The following MAP3K2 variants were observed in gnomAD, a reference collection of about 807,000 sequenced individuals.
MAP3K2 encodes MAP/ERK kinase kinase 2.
In MAP3K2, 24 loss-of-function variants were observed where a neutral mutation model predicts 80.3. That is an observed-to-expected ratio of 0.30 (90% CI 0.22 to 0.42). The LOEUF is 0.42. Among genes scored for constraint, MAP3K2 ranks in the 10% least tolerant of loss-of-function variants. The pLI, the probability that MAP3K2 is intolerant of heterozygous loss-of-function variation, is 1.00. For synonymous variants in MAP3K2, 244 were observed against 253.7 expected (o/e 0.96, Z 0.36); for missense variants, 608 against 750.1 (o/e 0.81, Z 2.21).
chr2:127,325,791 G>A lies in MAP3K2; in HGVS notation c.614C>T (p.Ser205Phe). The A allele has an allele frequency of 6.2e-7, 1 of 1,613,048 alleles. No individual in the cohort carries two copies. The highest frequency in any genetic ancestry group is 8.5e-7 in the Non-Finnish European group (1 of 1,179,206). Residue 205 changes from serine to phenylalanine, a missense_variant, in exon 9 of 17, where the codon TCT (serine) becomes TTT (phenylalanine). By Grantham distance (155) the Ser-to-Phe change is radical. Transcript: ENST00000682094. ...GCCAGAATTTTCAGGGCTGCTTAAA[G>A]ATAATGGATCCAGCATCTAGGAAAA... ...ESMDQMLDPLSLSSPENSGSG... is the reference protein window; with the variant it reads ...ESMDQMLDPLFLSSPENSGSG...
chr2:127,378,549 A>C (rs1687188341), intron 1 of MAP3K2, among the ~76,000 whole-genome samples: 6 of 152,210 alleles, frequency 3.9e-5, no homozygotes. Context: ...CATTCAGTTT[A>C]AATATTATAT....
intron 5 of MAP3K2, 31 bp downstream of exon 5, chr2:127,335,839 G>C (rs781371609): frequency 8.2e-7 from 1 of 1,215,568 alleles, no homozygotes; most frequent in South Asian, 1.4e-5. Context: ...TTGAAGGTAA[G>C]ATCTACTAAA....
At chr2:127,311,071 T>C (rs1685799594) in intron 15 of MAP3K2, among the ~76,000 whole-genome samples, 1 of 152,168 alleles carries the variant, frequency 6.6e-6, no homozygotes, top group African/African-American at 2.4e-5. Context: ...ACCCCACCCC[T>C]ATCACGGGGC....
intron 1 of MAP3K2, among the ~76,000 whole-genome samples, chr2:127,350,454 C>CAAAAAAAAAAAAAAAAAAAAA (rs752516255): frequency 2.1e-4 from 21 of 99,228 alleles, no homozygotes; most frequent in South Asian, 3.6e-4. Context: ...AAAACAAAAA[C>CAAAAAAAAAAAAAAAAAAAAA]AAAAAAAAAA....
In MAP3K2 at chr2:127,308,800, T is replaced by C. The variant is rs1685756835; in HGVS notation, c.1457-38A>G. 3.1e-6 allele frequency: 5 copies of C among 1,592,470 alleles called. No individual in the cohort carries two copies. The East Asian group carries it at 1.1e-4, about 36-fold the overall frequency. ...CATTGCCTCATTTCATTAATTTTAT[T>C]GGCAGTCTCGAATATAGCATAAAAG... On this transcript the variant is annotated intron_variant, in intron 15 of 16. Transcript: ENST00000682094.
intron 8 of MAP3K2, among the ~76,000 whole-genome samples, chr2:127,326,277 A>G (rs916567104): frequency 6.6e-6 from 1 of 152,138 alleles, no homozygotes; most frequent in African/African-American, 2.4e-5. Context: ...AGGGAATAAC[A>G]GCAACTCCAT....
rs57472022 is a variant in MAP3K2 at position 127,319,650 on chromosome 2, C to CAAAAAAAAAAAAA, written c.1046-1346_1046-1334dup. The stretch of plus-strand genomic sequence containing the variant: ...TGAAACCCCATCTCTACTAAAAATA[C>CAAAAAAAAAAAAA]AAAAAAAAAAAAAAAAAAAAAAAAA... On this transcript the variant is annotated intron_variant, in intron 12 of 16. Transcript: ENST00000682094. Among the ~76,000 whole-genome samples, 113 of 71,826 alleles carry CAAAAAAAAAAAAA rather than the reference C, an allele frequency of 1.6e-3. 1 individual carries two copies. The highest frequency in any genetic ancestry group is 2.0e-3 in the African/African-American group (34 of 17,376). 47.1% of individuals were successfully genotyped at this position (71,826 alleles called of 152,430 possible).
chr2:127,355,517 T>C (rs1192963342), intron 1 of MAP3K2, among the ~76,000 whole-genome samples: 1 of 152,100 alleles, frequency 6.6e-6, no homozygotes, highest in Non-Finnish European at 1.5e-5. Flanking sequence ...TAAAAAACAA[T>C]GTACATGCCT....
rs1237804378 is a variant in MAP3K2, at chr2:127,306,840, G to C, written c.*739C>G. 1 of 112,140 alleles carries C rather than the reference G, an allele frequency of 8.9e-6. No individual in the cohort carries two copies. Among genetic ancestry groups the C allele is most frequent in the Non-Finnish European group, 1.8e-5 (1 of 54,558 alleles). 6.9% of individuals were successfully genotyped at this position (112,140 alleles called of 1,614,324 possible). A position where few individuals can be genotyped will look rare whatever the true frequency, so the allele number is the denominator to read the frequency against. ...GCTCACAACTTGACTTTAAAATAAA[G>C]GTTTTCCGTGTGTGTGTGTGTGTGT... On this transcript the variant is annotated 3_prime_UTR_variant, in exon 17 of 17. Transcript: ENST00000682094. This position sits in a 1 kb window ranked among gnomAD's most constrained non-coding sequence, Gnocchi z 4.7.
chr2:127,359,455 T>C (rs1371742337), intron 1 of MAP3K2, among the ~76,000 whole-genome samples: 3 of 152,224 alleles, frequency 2.0e-5, no homozygotes, highest in African/African-American at 7.2e-5. Context: ...ACATCTGAAA[T>C]GTTGGCAAGG....
At chr2:127,382,958 C>T (rs574708792) in intron 1 of MAP3K2, among the ~76,000 whole-genome samples, 1 of 152,210 alleles carries the variant, frequency 6.6e-6, no homozygotes, top group Admixed American at 6.5e-5. Context: ...TTAATTGGCT[C>T]ACGGTTCAGC....
intron 5 of MAP3K2, among the ~76,000 whole-genome samples, chr2:127,333,594 T>C (rs1038471125): frequency 2.0e-5 from 3 of 152,082 alleles, no homozygotes; most frequent in Non-Finnish European, 2.9e-5. Flanking sequence ...TGTCAAGATA[T>C]GAAACAGGAT....
Position 127,307,552 on chromosome 2 carries a change from T to C in MAP3K2, c.*27A>G, listed in dbSNP as rs748080840. The stretch of plus-strand genomic sequence containing the variant: ...GGTGAATGAATAGATGGGAGCTAGG[T>C]AGAGGCACAGGAGAGGTTACTGGCT... On this transcript the variant is annotated 3_prime_UTR_variant, in exon 17 of 17. Transcript: ENST00000682094. This position sits in a 1 kb window ranked among gnomAD's most constrained non-coding sequence, Gnocchi z 5.4. 5.4e-6 allele frequency: 8 copies of C among 1,475,926 alleles called. No individual in the cohort carries two copies. In the Admixed American group the frequency reaches 5.9e-5, roughly 11 times the overall value. 91.4% of individuals were successfully genotyped at this position (1,475,926 alleles called of 1,614,324 possible).
chr2:127,331,174 A>T (rs1285220000), intron 5 of MAP3K2, among the ~76,000 whole-genome samples: 2 of 152,242 alleles, frequency 1.3e-5, no homozygotes, highest in Non-Finnish European at 2.9e-5. Context: ...GATGTTATAG[A>T]GGACAAAAGC....
intron 1 of MAP3K2, among the ~76,000 whole-genome samples, chr2:127,353,273 C>A (rs1686731240): frequency 6.6e-6 from 1 of 151,952 alleles, no homozygotes; most frequent in South Asian, 2.1e-4. Context: ...TGCCCGGCCG[C>A]CCATCGTCTG....
At chr2:127,341,473 T>C (rs1167164998) in intron 2 of MAP3K2, among the ~76,000 whole-genome samples, 1 of 151,600 alleles carries the variant, frequency 6.6e-6, no homozygotes, top group African/African-American at 2.4e-5. Context: ...TGGGCACTTA[T>C]TTACCCATAA....
chr2:127,312,918 A>G (rs2104808863), intron 15 of MAP3K2, among the ~76,000 whole-genome samples: 1 of 151,752 alleles, frequency 6.6e-6, no homozygotes, highest in East Asian at 1.9e-4. Context: ...GTGAGCCGAG[A>G]TCTCCCCATT....
intron 1 of MAP3K2, among the ~76,000 whole-genome samples, chr2:127,350,034 A>C (rs1011824599): frequency 2.6e-5 from 4 of 152,072 alleles, no homozygotes; most frequent in African/African-American, 7.3e-5. Flanking sequence ...TTTTCTGTAG[A>C]GATGGAGTTT....
chr2:127,312,460 T>C (rs2104808297), intron 15 of MAP3K2, among the ~76,000 whole-genome samples: 1 of 152,260 alleles, frequency 6.6e-6, no homozygotes, highest in Non-Finnish European at 1.5e-5. Flanking sequence ...AGAAAAAGTA[T>C]ATAGGAGCTT....
Sources: gnomAD v4.1 joint callset for allele counts (sites outside exome capture counted in the v4.1 genomes callset) on GRCh38, gnomAD v4.1.1 for gene constraint, Gnocchi (gnomAD v3.1) non-coding constraint, MANE v1.5 for transcripts, NCBI Gene and HGNC (gene_info 2026-07-23, HGNC 2026-07-21) for gene names.